Variants in CCBE1 observed in about 807,000 individuals in gnomAD.
CCBE1 encodes collagen and calcium binding EGF domains 1.
CCBE1 carries 37 observed loss-of-function variants against 50.0 expected under a neutral mutation model. That is an observed-to-expected ratio of 0.74 (90% CI 0.57 to 0.97). CCBE1 has a LOEUF of 0.97. CCBE1 is among the 50% of genes least tolerant of loss of function. CCBE1 has a pLI of 0.00. For synonymous variants in CCBE1, 234 were observed against 203.7 expected, an observed-to-expected ratio of 1.15 and a Z score of -1.27; for missense variants, 538 against 523.8, an observed-to-expected ratio of 1.03 and a Z score of -0.26.
intron 2 of CCBE1, among the ~76,000 whole-genome samples, chr18:59,584,683 T>G (rs714805): frequency 6.6e-6 from 1 of 152,110 alleles, no homozygotes; most frequent in Non-Finnish European, 1.5e-5. Context: ...CTCTTGCTTG[T>G]GCTTCACCAT....
chr18:59,645,241 A>G (rs934965743), intron 2 of CCBE1, among the ~76,000 whole-genome samples: 9 of 152,058 alleles, frequency 5.9e-5, no homozygotes, highest in African/African-American at 2.2e-4. Flanking sequence ...AACAACAACA[A>G]AAAAGCTACA....
intron 2 of CCBE1, among the ~76,000 whole-genome samples, chr18:59,555,423 A>G (rs568945632): frequency 6.6e-6 from 1 of 152,308 alleles, no homozygotes; most frequent in Admixed American, 6.5e-5. Flanking sequence ...GTCATGTTCC[A>G]TCTCTGCTCC....
chr18:59,607,975 C>G (rs1042396530), intron 2 of CCBE1, among the ~76,000 whole-genome samples: 2 of 150,994 alleles, frequency 1.3e-5, no homozygotes, highest in African/African-American at 2.4e-5. Context: ...ACTCAGGAAG[C>G]TGAGGCAGGA....
At chr18:59,502,359 G>GT (rs1261904719) in intron 2 of CCBE1, among the ~76,000 whole-genome samples, 1 of 152,198 alleles carries the variant, frequency 6.6e-6, no homozygotes, top group Admixed American at 6.5e-5. Context: ...TGTGTGTGAG[G>GT]TAAGAGTCAT....
chr18:59,639,704 C>T (rs982750417), intron 2 of CCBE1, among the ~76,000 whole-genome samples: 1 of 152,176 alleles, frequency 6.6e-6, no homozygotes, highest in East Asian at 1.9e-4. Flanking sequence ...GTCAAACTTT[C>T]CCTGTTTCCA....
In CCBE1 at chr18:59,653,968, T is replaced by C. The variant is rs76451092; in HGVS notation, c.212+42661A>G. On this transcript the variant is annotated intron_variant, in intron 2 of 10. Transcript: ENST00000439986. The stretch of plus-strand genomic sequence containing the variant: ...CATAAAACTACTGATGCTAGAGATA[T>C]TTATAGCTAGAAGGCTTTACACATT... Among the ~76,000 whole-genome samples the C allele has an allele frequency of 1.6e-3, 244 of 152,304 alleles. 2 individuals are homozygous for C. In the South Asian group the frequency reaches 0.028, roughly 17 times the overall value.
chr18:59,470,698 G>T (rs1163939545), intron 3 of CCBE1, among the ~76,000 whole-genome samples: 3 of 152,156 alleles, frequency 2.0e-5, no homozygotes, highest in African/African-American at 7.2e-5. Context: ...CTCTAATTCA[G>T]TAGCTCAGGC....
At chr18:59,589,805 A>G (rs921213535) in intron 2 of CCBE1, among the ~76,000 whole-genome samples, 25 of 136,154 alleles carry the variant, frequency 1.8e-4, no homozygotes, top group Non-Finnish European at 3.2e-4. Context: ...AAAAAAAAAA[A>G]AAAAAAGAAA....
intron 2 of CCBE1, among the ~76,000 whole-genome samples, chr18:59,553,404 T>TAC (rs753989934): frequency 1.6e-4 from 25 of 152,118 alleles, no homozygotes; most frequent in Non-Finnish European, 2.9e-4. Flanking sequence ...CAAAGATTGC[T>TAC]ACACACACAC....
intron 2 of CCBE1, among the ~76,000 whole-genome samples, chr18:59,495,962 G>A (rs1428417678): frequency 6.6e-6 from 1 of 151,882 alleles, no homozygotes. Flanking sequence ...CCTGGTGTAG[G>A]GTATACTCTT....
chr18:59,583,424 G>A (rs990476725), intron 2 of CCBE1, among the ~76,000 whole-genome samples: 7 of 152,124 alleles, frequency 4.6e-5, no homozygotes, highest in Non-Finnish European at 7.4e-5. Flanking sequence ...TGATCTGACC[G>A]TAACTTCTCC....
intron 2 of CCBE1, among the ~76,000 whole-genome samples, chr18:59,499,897 C>A (rs1338333022): frequency 1.3e-5 from 2 of 152,124 alleles, no homozygotes; most frequent in African/African-American, 4.8e-5. Context: ...TCCAAAGGAG[C>A]CAGCTGTGGT....
chr18:59,661,072 T>C (rs1480732744), intron 2 of CCBE1, among the ~76,000 whole-genome samples: 2 of 152,158 alleles, frequency 1.3e-5, no homozygotes, highest in African/African-American at 4.8e-5. Context: ...TCCCTGGAGA[T>C]AGTCCAACAA....
chr18:59,648,734 T>C (rs976197629), intron 2 of CCBE1, among the ~76,000 whole-genome samples: 11 of 152,268 alleles, frequency 7.2e-5, no homozygotes, highest in African/African-American at 2.4e-4. Flanking sequence ...TATCAGCAGC[T>C]GGAACAGGGC....
chr18:59,685,297 C>T (rs2144738142), intron 2 of CCBE1, among the ~76,000 whole-genome samples: 1 of 152,248 alleles, frequency 6.6e-6, no homozygotes. Flanking sequence ...TTGATCCATT[C>T]TCCTATTAGT....
chr18:59,550,832 A>C (rs1018593011), intron 2 of CCBE1, among the ~76,000 whole-genome samples: 2 of 151,760 alleles, frequency 1.3e-5, no homozygotes, highest in African/African-American at 4.8e-5. Flanking sequence ...ATCAAAACCC[A>C]GTCTCTACTA....
In CCBE1 at chr18:59,452,169, C is replaced by T. The variant is rs531343667; in HGVS notation, c.654+2682G>A. On this transcript the variant is annotated intron_variant, in intron 6 of 10. Coordinates refer to ENST00000439986, the MANE Select transcript of CCBE1 (RefSeq NM_133459.4). ...GGTGTGGTTCAAGGTGTTTAAACAC[C>T]GTTTCATGCTGTGGGGTTGGCCATG... Among the ~76,000 whole-genome samples, 16 of 152,242 alleles carry T rather than the reference C, an allele frequency of 1.1e-4. No individual in the cohort carries two copies. The South Asian group carries it at 2.7e-3, about 26-fold the overall frequency.
At chr18:59,513,043 G>C (rs1280807241) in intron 2 of CCBE1, among the ~76,000 whole-genome samples, 1 of 152,198 alleles carries the variant, frequency 6.6e-6, no homozygotes, top group Non-Finnish European at 1.5e-5. Flanking sequence ...CCCAGGAGCA[G>C]TGGCTCATGC....
At chr18:59,627,262 T>C (rs2053797570) in intron 2 of CCBE1, among the ~76,000 whole-genome samples, 2 of 152,242 alleles carry the variant, frequency 1.3e-5, no homozygotes, top group South Asian at 4.1e-4. Flanking sequence ...TCATTTGAAA[T>C]GTCAAAAATT....
Sources: gnomAD v4.1 joint callset for allele counts (sites outside exome capture counted in the v4.1 genomes callset) on GRCh38, gnomAD v4.1.1 for gene constraint, MANE v1.5 for transcripts, NCBI Gene and HGNC (gene_info 2026-07-23, HGNC 2026-07-21) for gene names.